SRFBP1: variants seen among roughly 807,000 people sequenced by gnomAD.
SRFBP1 encodes serum response factor binding protein 1.
A neutral mutation model predicts 45.5 loss-of-function variants in SRFBP1; 47 were observed. The ratio of observed to expected loss-of-function variants is 1.03; its 90% CI spans 0.82 to 1.32. SRFBP1 has a LOEUF of 1.32. SRFBP1 is among the 40% of genes most tolerant of loss of function. The pLI, the probability that SRFBP1 is intolerant of heterozygous loss-of-function variation, is 0.00. For synonymous variants in SRFBP1, 203 were observed against 166.3 expected (o/e 1.22, Z -1.70); for missense variants, 621 against 484.6 (o/e 1.28, Z -2.64).
chr5:122,054,005 A>C (rs1350187803), intron 2 of SRFBP1, among the ~76,000 whole-genome samples: 4 of 152,124 alleles, frequency 2.6e-5, no homozygotes, highest in Non-Finnish European at 5.9e-5. Context: ...AGGCTGAATC[A>C]GAACTGCTGG....
intron 2 of SRFBP1, among the ~76,000 whole-genome samples, chr5:122,059,175 A>G (rs1002816596): frequency 2.0e-5 from 3 of 152,146 alleles, no homozygotes; most frequent in African/African-American, 7.2e-5. Context: ...TGGGGCAACA[A>G]GGCTTTGTGA....
At chr5:122,011,184 G>A (rs1753084977) in intron 4 of SRFBP1, among the ~76,000 whole-genome samples, 1 of 152,130 alleles carries the variant, frequency 6.6e-6, no homozygotes, top group Non-Finnish European at 1.5e-5. Context: ...GCATTTCAAA[G>A]AAGAGATCTT....
intron 7 of SRFBP1, among the ~76,000 whole-genome samples, chr5:122,023,463 A>T (rs1419992364): frequency 1.3e-5 from 2 of 152,194 alleles, no homozygotes; most frequent in East Asian, 3.9e-4. Context: ...TATACCATGT[A>T]TCGAGTAGCA....
chr5:121,996,634 A>G (rs1752733584), intron 4 of SRFBP1, among the ~76,000 whole-genome samples: 1 of 61,606 alleles, frequency 1.6e-5, no homozygotes, highest in East Asian at 5.1e-4. Context: ...CACCACTCCT[A>G]TTCAACATAG....
chr5:122,076,809 G>A (rs1174195779), downstream of SRFBP1: 8 of 1,198,420 alleles, frequency 6.7e-6, no homozygotes, highest in Admixed American at 1.3e-4. Context: ...TTGTCTGCGC[G>A]AAGCAGTAGC....
rs769835841 is a variant in SRFBP1, at chr5:122,019,304, A to C, written c.315A>C (p.Val105=). 108 of 1,612,576 alleles carry C rather than the reference A, an allele frequency of 6.7e-5. No individual in the cohort carries two copies. Among genetic ancestry groups the C allele is most frequent in the Non-Finnish European group, 9.0e-5 (106 of 1,179,216 alleles). The change falls in exon 5 of 8, where the codon GTA becomes GTC. Residue 105 remains valine, a synonymous_variant. Transcript: ENST00000339397. ...AAAGAGCAATTGCCAGACTAGCAGT[A>C]CATCCTCTTCTGAAGAAAAAGATAG... ...ATERAIARLA[V]HPLLKKKIDV...
At chr5:122,023,963 A>G (rs1041026717) in intron 7 of SRFBP1, among the ~76,000 whole-genome samples, 1 of 152,158 alleles carries the variant, frequency 6.6e-6, no homozygotes. Flanking sequence ...TGCATTGAAA[A>G]TTAATCAGAT....
chr5:122,047,889 C>T (rs189859924), intron 2 of SRFBP1, among the ~76,000 whole-genome samples: 74 of 152,108 alleles, frequency 4.9e-4, no homozygotes, highest in Admixed American at 2.0e-3. Context: ...TTTTGCACAT[C>T]GATTGTGTAT....
chr5:122,052,258 G>C (rs1351457970), intron 2 of SRFBP1, among the ~76,000 whole-genome samples: 1 of 152,078 alleles, frequency 6.6e-6, no homozygotes, highest in African/African-American at 2.4e-5. Context: ...TCTCACAGAG[G>C]TTCTCTGCAT....
chr5:122,077,151 G>T, downstream of SRFBP1: 1 of 1,467,792 alleles, frequency 6.8e-7, no homozygotes. The surrounding 1 kb of genome is among the most constrained non-coding windows in gnomAD (Gnocchi z 4.9). Context: ...GGGGACGCCC[G>T]GGACTGCAAA....
At chr5:122,077,968 G>A (rs570529743), downstream of SRFBP1, 9 of 1,464,578 alleles carry the variant, frequency 6.1e-6, no homozygotes, top group East Asian at 2.1e-4. This position sits in a 1 kb window ranked among gnomAD's most constrained non-coding sequence, Gnocchi z 4.9. Flanking sequence ...GCAGGAGCAC[G>A]GTCCAGGCGA....
chr5:122,054,567 C>A (rs80050738), intron 2 of SRFBP1, among the ~76,000 whole-genome samples: 1 of 152,152 alleles, frequency 6.6e-6, no homozygotes. Flanking sequence ...TTTCAATGAA[C>A]TTTATCTACA....
At chr5:122,077,902 T>C (rs779352243), downstream of SRFBP1, 1 of 1,518,082 alleles carries the variant, frequency 6.6e-7, no homozygotes, top group East Asian at 2.5e-5. This position sits in a 1 kb window ranked among gnomAD's most constrained non-coding sequence, Gnocchi z 4.9. Flanking sequence ...GGGGCTGCTG[T>C]TGGCCGGCGG....
At chr5:122,046,918 T>G (rs1021027330) in intron 2 of SRFBP1, among the ~76,000 whole-genome samples, 6 of 152,212 alleles carry the variant, frequency 3.9e-5, no homozygotes, top group African/African-American at 1.4e-4. Flanking sequence ...GTAAATTTGT[T>G]TGAGTTCATT....
chr5:122,008,029 A>G (rs982302573), intron 4 of SRFBP1, among the ~76,000 whole-genome samples: 10 of 152,256 alleles, frequency 6.6e-5, no homozygotes, highest in African/African-American at 2.4e-4. Flanking sequence ...TGGGGTTTGT[A>G]GGATCCTGCC....
At chr5:122,054,104 G>C (rs1314476187) in intron 2 of SRFBP1, among the ~76,000 whole-genome samples, 1 of 152,176 alleles carries the variant, frequency 6.6e-6, no homozygotes, top group Non-Finnish European at 1.5e-5. Flanking sequence ...CTCTGTTGGG[G>C]CTATTAAGCT....
In SRFBP1 at chr5:122,004,813, T is replaced by C. The variant is rs570616249; in HGVS notation, c.270+10143T>C. On this transcript the variant is annotated intron_variant, in intron 4 of 7. Transcript: ENST00000339397. ...TGAACTTCTCTCTTAGAACTGTTTT[T>C]GCTGTGTCCCATAAGTTTTGGTATG... is the stretch of plus-strand genomic sequence containing the variant. Among the ~76,000 whole-genome samples, 41 of 152,278 alleles carry C rather than the reference T, an allele frequency of 2.7e-4. 1 individual carries two copies. Among genetic ancestry groups the C allele is most frequent in the Admixed American group, 2.7e-3 (41 of 15,302 alleles).
chr5:122,035,224 G>A (rs1053467806), intron 2 of SRFBP1, among the ~76,000 whole-genome samples: 2 of 152,040 alleles, frequency 1.3e-5, no homozygotes, highest in Non-Finnish European at 2.9e-5. Context: ...CTTTCCTACA[G>A]CAGCAGCCCC....
At chr5:121,998,336 T>TA (rs1468574235) in intron 4 of SRFBP1, among the ~76,000 whole-genome samples, 1 of 148,918 alleles carries the variant, frequency 6.7e-6, no homozygotes, top group African/African-American at 2.5e-5. Flanking sequence ...TATGCAGCCA[T>TA]AAAAAATGAT....
Sources: gnomAD v4.1 joint callset for allele counts (sites outside exome capture counted in the v4.1 genomes callset) on GRCh38, gnomAD v4.1.1 for gene constraint, Gnocchi (gnomAD v3.1) non-coding constraint, MANE v1.5 for transcripts, NCBI Gene and HGNC (gene_info 2026-07-23, HGNC 2026-07-21) for gene names.